TNRC6C: variants seen among roughly 807,000 people sequenced by gnomAD.
TNRC6C encodes the protein trinucleotide repeat containing adaptor 6C.
Under a neutral mutation model 153.7 loss-of-function variants are expected in TNRC6C, and 20 were observed. The ratio of observed to expected loss-of-function variants is 0.13; its 90% CI spans 0.09 to 0.19. The LOEUF (loss-of-function observed/expected upper bound fraction) is 0.19. Ranked by LOEUF, TNRC6C falls within the 10% of genes least tolerant of loss-of-function variation. TNRC6C has a pLI of 1.00. For missense variants in TNRC6C, 1,987 were observed against 2,172.0 expected, an observed-to-expected ratio of 0.91 and a Z score of 1.69; for synonymous variants, 811 against 841.4, an observed-to-expected ratio of 0.96 and a Z score of 0.63.
rs1333698533 is a variant in TNRC6C at position 78,097,968 on chromosome 17, C to T, written c.4307-375C>T. On this transcript the variant is annotated intron_variant, in intron 16 of 19. Coordinates refer to ENST00000301624, the Ensembl canonical transcript of TNRC6C. The stretch of plus-strand genomic sequence containing the variant: ...ATTGGCTCTTTACTCACTCCCTGAG[C>T]TGGGAGGCCGTGTGGCGTGATGAAG... The T allele has an allele frequency of 4.0e-5, 39 of 980,350 alleles. No homozygotes were observed. In the East Asian group the frequency reaches 9.9e-4, roughly 25 times the overall value. 60.7% of individuals were successfully genotyped at this position (980,350 alleles called of 1,614,324 possible).
At chr17:78,067,119 G>A (rs1381677823) in intron 4 of TNRC6C, 1 of 152,172 alleles carries the variant, frequency 6.6e-6, no homozygotes, top group Non-Finnish European at 1.5e-5. Context: ...GAGGCAGGAG[G>A]ACTACTTGAG....
chr17:78,027,635 G>T (rs1458567131), intron 1 of TNRC6C, among the ~76,000 whole-genome samples: 1 of 152,164 alleles, frequency 6.6e-6, no homozygotes, highest in Non-Finnish European at 1.5e-5. Flanking sequence ...AGGATCCAGA[G>T]GTTTGGAGGG....
At chr17:78,019,286 T>G (rs1426300484) in intron 1 of TNRC6C, among the ~76,000 whole-genome samples, 2 of 152,214 alleles carry the variant, frequency 1.3e-5, no homozygotes, top group Admixed American at 6.5e-5. Context: ...TCCTTCTGTC[T>G]TGGTATCTTA....
chr17:77,975,008 CAAAG>C (rs1186684309), intron 1 of TNRC6C, among the ~76,000 whole-genome samples: 1 of 115,654 alleles, frequency 8.6e-6, no homozygotes, highest in Non-Finnish European at 1.7e-5. Flanking sequence ...TTCTAGTAAT[CAAAG>C]AAAGAAATAA....
intron 14 of TNRC6C, among the ~76,000 whole-genome samples, chr17:78,092,611 G>A (rs2073413121): frequency 6.6e-6 from 1 of 152,202 alleles, no homozygotes; most frequent in South Asian, 2.1e-4. Context: ...CAGGCATGGT[G>A]GCTCACACCT....
At chr17:78,102,946 G>C (rs1306031240) in intron 18 of TNRC6C, 1 of 238,458 alleles carries the variant, frequency 4.2e-6, no homozygotes, top group African/African-American at 2.3e-5. Context: ...AGACCAGCCT[G>C]GGCAACATAG....
In TNRC6C at chr17:78,076,360, G is replaced by A. The variant is rs549536013; in HGVS notation, c.3061-825G>A. 9.8e-4 allele frequency among the ~76,000 whole-genome samples: 150 copies of A among 152,314 alleles called. 1 individual carries two copies. Among genetic ancestry groups the A allele is most frequent in the African/African-American group, 3.4e-3 (143 of 41,568 alleles). On this transcript the variant is annotated intron_variant, in intron 8 of 19. Transcript: ENST00000301624. ...TGGGGTAGCCCAGGGTGAGGCTCAC[G>A]TCTTCATCCTGCCCCTCGCCAGTGG...
chr17:77,959,773 T>C (rs1251386558), intron 1 of TNRC6C, among the ~76,000 whole-genome samples: 1 of 152,264 alleles, frequency 6.6e-6, no homozygotes. Flanking sequence ...TGCTGCGGAC[T>C]GCGGAGTAAT....
At chr17:77,999,980 A>G (rs1226111366), upstream of TNRC6C, among the ~76,000 whole-genome samples, 1 of 152,152 alleles carries the variant, frequency 6.6e-6, no homozygotes, top group Non-Finnish European at 1.5e-5. Flanking sequence ...ACAGGAAGGG[A>G]TTATACAAAA....
intron 3 of TNRC6C, among the ~76,000 whole-genome samples, chr17:78,061,993 ATTAT>A (rs2072778594): frequency 6.6e-6 from 1 of 152,228 alleles, no homozygotes; most frequent in Non-Finnish European, 1.5e-5. Flanking sequence ...AGGTGAGTTC[ATTAT>A]TTAATTACCT....
At chr17:78,026,569 T>C (rs2071945401) in intron 1 of TNRC6C, among the ~76,000 whole-genome samples, 1 of 152,198 alleles carries the variant, frequency 6.6e-6, no homozygotes, top group Non-Finnish European at 1.5e-5. Flanking sequence ...GGTGGTTAGA[T>C]GAAGAAGCAA....
intron 3 of TNRC6C, among the ~76,000 whole-genome samples, chr17:78,059,790 C>T (rs2072729663): frequency 6.7e-6 from 1 of 148,894 alleles, no homozygotes; most frequent in African/African-American, 2.5e-5. Context: ...GTGAAGGCTG[C>T]AGTGAGCTGT....
At chr17:78,086,897 C>A (rs1165655699) in exon 13 of TNRC6C, 1 of 1,612,576 alleles carries the variant, frequency 6.2e-7, no homozygotes, top group East Asian at 2.2e-5. Flanking sequence ...TCCAGCAGCA[C>A]CAGCGCCAGC....
intron 7 of TNRC6C, among the ~76,000 whole-genome samples, chr17:78,073,425 T>C (rs779555861): frequency 9.2e-5 from 14 of 152,236 alleles, no homozygotes; most frequent in Non-Finnish European, 1.5e-4. Context: ...GCGTTCCTCG[T>C]GCCTTGCCCC....
At chr17:78,010,968 TCCGGGGGCGCCTC>T (rs1357476034) in intron 1 of TNRC6C, among the ~76,000 whole-genome samples, 2 of 152,232 alleles carry the variant, frequency 1.3e-5, no homozygotes, top group Non-Finnish European at 2.9e-5. Flanking sequence ...GGCGCTGTGC[TCCGGGGGCGCCTC>T]CCGAGGGCAC....
intron 3 of TNRC6C, among the ~76,000 whole-genome samples, chr17:78,055,657 A>G (rs1166613910): frequency 6.6e-6 from 1 of 152,200 alleles, no homozygotes; most frequent in African/African-American, 2.4e-5. Flanking sequence ...CCCTTAGTGG[A>G]TAGTCCCAAT....
At chr17:77,959,420 G>C (rs1254721385) in intron 1 of TNRC6C, among the ~76,000 whole-genome samples, 152 bp downstream of exon 1, 1 of 151,260 alleles carries the variant, frequency 6.6e-6, no homozygotes, top group East Asian at 1.9e-4. Flanking sequence ...GGTTTGAGGG[G>C]AGCGGCGGGA....
chr17:78,095,698 G>C (rs980460948), intron 16 of TNRC6C, among the ~76,000 whole-genome samples: 1 of 152,162 alleles, frequency 6.6e-6, no homozygotes, highest in African/African-American at 2.4e-5. Flanking sequence ...GTTTGTTATT[G>C]AAAGAAAGGG....
chr17:78,039,792 AGAG>A (rs2072257101), intron 2 of TNRC6C, among the ~76,000 whole-genome samples: 1 of 152,210 alleles, frequency 6.6e-6, no homozygotes, highest in South Asian at 2.1e-4. Flanking sequence ...AACAAGCCCG[AGAG>A]GAGGAGGGCC....
Sources: gnomAD v4.1 joint callset for allele counts (sites outside exome capture counted in the v4.1 genomes callset) on GRCh38, gnomAD v4.1.1 for gene constraint, MANE v1.5 for transcripts, NCBI Gene and HGNC (gene_info 2026-07-23, HGNC 2026-07-21) for gene names.